The following DNAH3 variants were observed in gnomAD, a reference collection of about 807,000 sequenced individuals.
DNAH3 encodes the protein dynein axonemal heavy chain 3.
DNAH3 carries 332 observed loss-of-function variants against 432.5 expected under a neutral mutation model. That is an observed-to-expected ratio of 0.77 (90% confidence interval 0.70 to 0.84). The LOEUF (loss-of-function observed/expected upper bound fraction) is 0.84, where lower values mean the gene tolerates loss of function less well. Among genes scored for constraint, DNAH3 ranks in the 40% least tolerant of loss-of-function variants. The pLI is 0.00. For synonymous variants in DNAH3, 1,956 were observed against 1,900.2 expected (o/e 1.03, Z -0.76); for missense variants, 4,861 against 5,114.0 (o/e 0.95, Z 1.51).
chr16:20,959,910 G>A (rs540960109), intron 53 of DNAH3, among the ~76,000 whole-genome samples: 73 of 152,112 alleles, frequency 4.8e-4, no homozygotes, highest in African/African-American at 1.4e-3. Context: ...TGCCCAAAAC[G>A]GGGAACTCAA....
At chr16:21,020,348 G>GTGTGTGTATATATATA in intron 40 of DNAH3, among the ~76,000 whole-genome samples, 12 of 69,156 alleles carry the variant, frequency 1.7e-4, no homozygotes, top group Middle Eastern at 8.3e-3. Flanking sequence ...TATAGTGTGT[G>GTGTGTGTATATATATA]TATATATATA....
chr16:20,982,179 T>C (rs2085940828), intron 49 of DNAH3, among the ~76,000 whole-genome samples: 1 of 151,898 alleles, frequency 6.6e-6, no homozygotes, highest in South Asian at 2.1e-4. Context: ...AGGTCAGGAG[T>C]TCGAGACCAC....
intron 12 of DNAH3, among the ~76,000 whole-genome samples, chr16:21,115,981 C>G (rs117031210): frequency 6.6e-6 from 1 of 151,972 alleles, no homozygotes; most frequent in African/African-American, 2.4e-5. Flanking sequence ...GGATTCCTGC[C>G]GGCATGCATA....
chr16:21,115,684 G>GT (rs1250115307), intron 12 of DNAH3, among the ~76,000 whole-genome samples: 1 of 150,730 alleles, frequency 6.6e-6, no homozygotes, highest in African/African-American at 2.4e-5. Flanking sequence ...TCCAGCCTGG[G>GT]TGACAGAGCG....
chr16:21,150,238 TA>T (rs397692995), intron 1 of DNAH3, 51 bp downstream of exon 2: 1,436 of 378,232 alleles, frequency 3.8e-3, no homozygotes, highest in Non-Finnish European at 5.0e-3. Flanking sequence ...AAATAAAAAA[TA>T]AAAAAAAAAA....
chr16:20,964,292 G>A lies in DNAH3; in HGVS notation c.9592C>T (p.Pro3198Ser), dbSNP rs755055660. The change falls in exon 53 of 62, where the codon CCC (proline) becomes TCC (serine). Residue 3198 changes from proline to serine, a missense_variant. Coordinates refer to ENST00000261383, the Ensembl canonical transcript of DNAH3. Reference sequence around the variant, plus strand: ...AGGAGTTGATCTTGGAGACCCAAGGGGGTGATCATGAAGTTGAGGAGACAG... The same window carrying A: ...AGGAGTTGATCTTGGAGACCCAAGGAGGTGATCATGAAGTTGAGGAGACAG... The A allele has an allele frequency of 1.7e-5, 28 of 1,614,140 alleles. No individual in the cohort carries two copies. In the Middle Eastern group the frequency reaches 6.6e-4, roughly 38 times the overall value.
At chr16:20,974,840 TAG>T (rs1359958463) in intron 51 of DNAH3, among the ~76,000 whole-genome samples, 1 of 151,572 alleles carries the variant, frequency 6.6e-6, no homozygotes, top group Non-Finnish European at 1.5e-5. Flanking sequence ...ATTATTTTTT[TAG>T]AGTTTCACTC....
exon 53 of DNAH3, chr16:20,964,503 A>G: frequency 6.2e-7 from 1 of 1,614,162 alleles, no homozygotes. Flanking sequence ...CAATGTTTTC[A>G]ATCAAGACAG....
At chr16:21,071,017 T>C (rs546242424) in intron 21 of DNAH3, among the ~76,000 whole-genome samples, 191 bp from the exon 22 acceptor site, 1 of 151,886 alleles carries the variant, frequency 6.6e-6, no homozygotes, top group Admixed American at 6.6e-5. Context: ...CCCAAGTAGG[T>C]AGGACTACAG....
chr16:20,962,988 G>C (rs2084892256), intron 53 of DNAH3, among the ~76,000 whole-genome samples: 1 of 152,106 alleles, frequency 6.6e-6, no homozygotes, highest in Non-Finnish European at 1.5e-5. Flanking sequence ...AAAGAACTTT[G>C]AATGAATTAT....
exon 54 of DNAH3, chr16:20,959,353 G>T (rs776922407): frequency 1.2e-6 from 2 of 1,614,214 alleles, no homozygotes; most frequent in African/African-American, 1.3e-5. Flanking sequence ...AAGGGAGATG[G>T]TCTGTGTTCT....
At chr16:20,983,229 T>G (rs9935934) in intron 48 of DNAH3, among the ~76,000 whole-genome samples, 42,042 of 152,042 alleles carry the variant, frequency 0.28, 6,427 homozygotes, top group South Asian at 0.46. Flanking sequence ...GGGTTCAAGC[T>G]ATTCTCCTGC....
chr16:21,014,705 A>T (rs2087775312), intron 41 of DNAH3, among the ~76,000 whole-genome samples: 1 of 152,180 alleles, frequency 6.6e-6, no homozygotes, highest in African/African-American at 2.4e-5. Flanking sequence ...ATCCACAAAA[A>T]GACTCCTGGA....
intron 25 of DNAH3, 146 bp from the exon 26 acceptor site, chr16:21,060,502 C>T (rs1010674476): frequency 1.2e-4 from 67 of 549,466 alleles, no homozygotes; most frequent in Non-Finnish European, 2.0e-4. Flanking sequence ...TCTGTCTCCC[C>T]GTTCTTTTTT....
At chr16:21,119,672 C>T (rs2092291962) in intron 11 of DNAH3, among the ~76,000 whole-genome samples, 1 of 151,732 alleles carries the variant, frequency 6.6e-6, no homozygotes, top group South Asian at 2.1e-4. Context: ...TCTAGGCTCA[C>T]TGTAACCTCC....
At chr16:21,127,850 A>G in intron 7 of DNAH3, 38 bp from the exon 9 acceptor site, 1 of 1,612,356 alleles carries the variant, frequency 6.2e-7, no homozygotes, top group Non-Finnish European at 8.5e-7. Context: ...AAGCTAAAGA[A>G]CGCTTAATAA....
At chr16:20,985,439 T>C (rs768608118) in exon 48 of DNAH3, 4 of 1,614,118 alleles carry the variant, frequency 2.5e-6, no homozygotes, top group Non-Finnish European at 3.4e-6. Flanking sequence ...CTGCCCCCTA[T>C]GCCCACCAGG....
chr16:21,089,611 A>G (rs2091474049), intron 18 of DNAH3, among the ~76,000 whole-genome samples: 1 of 152,178 alleles, frequency 6.6e-6, no homozygotes, highest in Non-Finnish European at 1.5e-5. Flanking sequence ...CTTATAAATA[A>G]TCCATAGGTC....
chr16:20,994,150 C>G (rs2086667687), intron 44 of DNAH3, among the ~76,000 whole-genome samples: 1 of 152,230 alleles, frequency 6.6e-6, no homozygotes, highest in African/African-American at 2.4e-5. Flanking sequence ...TAAAAAATGG[C>G]CTGGCGCAGT....
Sources: allele counts gnomAD v4.1 joint callset (sites outside exome capture counted in the v4.1 genomes callset), GRCh38; gene constraint gnomAD v4.1.1; transcripts MANE v1.5; gene names NCBI Gene and HGNC (gene_info 2026-07-23, HGNC 2026-07-21).